KCNQ3: variants seen among roughly 807,000 people sequenced by gnomAD.
The protein encoded by KCNQ3 is potassium voltage-gated channel subfamily Q member 3.
Under a neutral mutation model 92.5 loss-of-function variants are expected in KCNQ3, and 30 were observed. The observed-to-expected ratio is 0.32, with a 90% CI of 0.24 to 0.44. The LOEUF (loss-of-function observed/expected upper bound fraction) is 0.44. Ranked by LOEUF, KCNQ3 falls within the 20% of genes least tolerant of loss-of-function variation. KCNQ3 has a pLI of 1.00. For missense variants in KCNQ3, 913 were observed against 1,140.3 expected, an observed-to-expected ratio of 0.80 and a Z score of 2.87; for synonymous variants, 450 against 468.8, an observed-to-expected ratio of 0.96 and a Z score of 0.52.
chr8:132,169,429 A>AT (rs1470869470), intron 8 of KCNQ3, among the ~76,000 whole-genome samples: 4 of 152,198 alleles, frequency 2.6e-5, no homozygotes, highest in African/African-American at 9.7e-5. Flanking sequence ...TCCCTTTTCC[A>AT]TAACCATAGA....
intron 1 of KCNQ3, among the ~76,000 whole-genome samples, chr8:132,202,127 C>T (rs1827482143): frequency 6.6e-6 from 1 of 152,086 alleles, no homozygotes; most frequent in African/African-American, 2.4e-5. Context: ...GGGTGCTGTG[C>T]TGGACTTTGG....
Position 132,240,095 on chromosome 8 carries a change from C to T in KCNQ3, c.387-53914G>A, listed in dbSNP as rs186421794. Among the ~76,000 whole-genome samples the T allele has an allele frequency of 4.1e-4, 62 of 152,026 alleles. 1 individual carries two copies. In the East Asian group the frequency reaches 9.9e-3, roughly 24 times the overall value. On this transcript the variant is annotated intron_variant, in intron 1 of 14. Transcript: ENST00000388996. ...GATGGGTTGGGAAACACTGCAGGAACGCTATCTTCACTACCAACTCCTCAT... is the reference window on the plus strand; with the variant it reads ...GATGGGTTGGGAAACACTGCAGGAATGCTATCTTCACTACCAACTCCTCAT...
chr8:132,143,613 A>G (rs947852080), intron 9 of KCNQ3, among the ~76,000 whole-genome samples: 2 of 152,226 alleles, frequency 1.3e-5, no homozygotes, highest in African/African-American at 4.8e-5. Context: ...AATGATGACC[A>G]TAAGCCCATG....
intron 1 of KCNQ3, among the ~76,000 whole-genome samples, chr8:132,260,471 AAAAT>A (rs1815742849): frequency 2.6e-5 from 4 of 152,178 alleles, no homozygotes; most frequent in African/African-American, 9.7e-5. Context: ...GTAATTAAAA[AAAAT>A]AATAATAAAT....
chr8:132,185,096 C>A (rs1320766990), intron 2 of KCNQ3, among the ~76,000 whole-genome samples: 11 of 152,230 alleles, frequency 7.2e-5, no homozygotes, highest in African/African-American at 2.7e-4. Context: ...TGCTCCACGA[C>A]AATCCCTGGA....
At chr8:132,343,919 TA>T (rs778354945) in intron 1 of KCNQ3, among the ~76,000 whole-genome samples, 4 of 150,804 alleles carry the variant, frequency 2.7e-5, no homozygotes, top group African/African-American at 4.9e-5. Flanking sequence ...GAAGCCAAGT[TA>T]CTACTCCTTT....
chr8:132,479,874 A>G (rs1458993445), intron 1 of KCNQ3, among the ~76,000 whole-genome samples: 2 of 151,328 alleles, frequency 1.3e-5, no homozygotes, highest in Non-Finnish European at 2.9e-5. Flanking sequence ...CCGCGCGCGC[A>G]CACATCCGCC....
chr8:132,420,722 G>A (rs1283347811), intron 1 of KCNQ3, among the ~76,000 whole-genome samples: 2 of 152,196 alleles, frequency 1.3e-5, no homozygotes, highest in East Asian at 3.9e-4. Context: ...TTCTTGAGGT[G>A]TGTTGATAAA....
rs1013116242 is a variant in KCNQ3 at position 132,124,114 on chromosome 8, C to G, written c.*5148G>C. ...TTGCCACAACTCAGCCACTGAGATCCAACATTCCTGCCTCTCTTCATTCCA... is the reference window on the plus strand; with the variant it reads ...TTGCCACAACTCAGCCACTGAGATCGAACATTCCTGCCTCTCTTCATTCCA... On this transcript the variant is annotated 3_prime_UTR_variant, in exon 15 of 15. Transcript: ENST00000388996. 1 of 152,186 alleles carries G rather than the reference C, an allele frequency of 6.6e-6. No homozygotes were observed. Among genetic ancestry groups the G allele is most frequent in the African/African-American group, 2.4e-5 (1 of 41,442 alleles). 9.4% of individuals were successfully genotyped at this position (152,186 alleles called of 1,614,324 possible). A position where few individuals can be genotyped will look rare whatever the true frequency, so the allele number is the denominator to read the frequency against.
intron 10 of KCNQ3, chr8:132,140,843 A>G (rs1825270291): frequency 2.1e-6 from 1 of 465,752 alleles, no homozygotes; most frequent in Non-Finnish European, 3.9e-6. Context: ...TAACAATCCA[A>G]TCATGGGGCG....
intron 1 of KCNQ3, among the ~76,000 whole-genome samples, chr8:132,338,521 C>T (rs1818429396): frequency 6.6e-6 from 1 of 152,196 alleles, no homozygotes; most frequent in Non-Finnish European, 1.5e-5. Flanking sequence ...GTGTCTGACA[C>T]ATATGTGCTG....
chr8:132,250,078 C>A (rs560054499), intron 1 of KCNQ3, among the ~76,000 whole-genome samples: 1 of 152,214 alleles, frequency 6.6e-6, no homozygotes, highest in Admixed American at 6.5e-5. Flanking sequence ...CGGCTCCAGC[C>A]TCAGACAGCC....
intron 1 of KCNQ3, among the ~76,000 whole-genome samples, chr8:132,274,031 C>T (rs13249851): frequency 0.44 from 67,015 of 152,016 alleles, 16,820 homozygotes; most frequent in East Asian, 0.72. Context: ...CCAAACTCTT[C>T]CTGTTACCCA....
intron 1 of KCNQ3, among the ~76,000 whole-genome samples, chr8:132,291,036 A>C (rs1816821333): frequency 6.6e-6 from 1 of 152,318 alleles, no homozygotes; most frequent in Non-Finnish European, 1.5e-5. Flanking sequence ...ATCAAGTACA[A>C]TTGCGACTGG....
At chr8:132,427,197 C>G in intron 1 of KCNQ3, among the ~76,000 whole-genome samples, 1 of 152,160 alleles carries the variant, frequency 6.6e-6, no homozygotes, top group Admixed American at 6.5e-5. Flanking sequence ...GGGGTGTGGG[C>G]CAAGACAGCA....
chr8:132,201,639 T>G (rs918119220), intron 1 of KCNQ3, among the ~76,000 whole-genome samples: 6 of 152,198 alleles, frequency 3.9e-5, no homozygotes, highest in Admixed American at 1.3e-4. Context: ...GGAATAATCT[T>G]TCCCTCCATA....
At chr8:132,364,187 C>A (rs1163311532) in intron 1 of KCNQ3, among the ~76,000 whole-genome samples, 6 of 152,088 alleles carry the variant, frequency 3.9e-5, no homozygotes, top group African/African-American at 2.4e-5. Context: ...TATTTCAGGG[C>A]AGATAGAATA....
intron 1 of KCNQ3, among the ~76,000 whole-genome samples, chr8:132,461,168 G>T (rs1047004683): frequency 6.6e-6 from 1 of 152,156 alleles, no homozygotes; most frequent in Non-Finnish European, 1.5e-5. Flanking sequence ...TGGCAATTAT[G>T]AGTAAAGCTA....
At chr8:132,432,635 T>C (rs765928381) in intron 1 of KCNQ3, among the ~76,000 whole-genome samples, 2 of 152,172 alleles carry the variant, frequency 1.3e-5, no homozygotes, top group Non-Finnish European at 2.9e-5. Context: ...ACTCCACTGC[T>C]GAAACATTCC....
Sources: gnomAD v4.1 joint callset for allele counts (sites outside exome capture counted in the v4.1 genomes callset) on GRCh38, gnomAD v4.1.1 for gene constraint, MANE v1.5 for transcripts, NCBI Gene and HGNC (gene_info 2026-07-23, HGNC 2026-07-21) for gene names.